Variants in DIAPH2 observed in about 807,000 individuals in gnomAD.
DIAPH2 encodes the protein diaphanous related formin 2, also known as protein diaphanous homolog 2.
A neutral mutation model predicts 92.7 loss-of-function variants in DIAPH2; 35 were observed. That is an observed-to-expected ratio of 0.38 (90% confidence interval 0.29 to 0.50). The LOEUF (loss-of-function observed/expected upper bound fraction) is 0.50, where lower values mean the gene tolerates loss of function less well. Among genes scored for constraint, DIAPH2 ranks in the 20% least tolerant of loss-of-function variants. DIAPH2 has a pLI of 0.94. For synonymous variants in DIAPH2, 301 were observed against 280.4 expected (o/e 1.07, Z -0.73); for missense variants, 701 against 819.5 (o/e 0.86, Z 1.77).
rs1180330581 is a variant in DIAPH2 at position 97,185,474 on chromosome X, CATATATATATATAT to C, written c.2719+43713_2719+43726del. Among the ~76,000 whole-genome samples the C allele has an allele frequency of 8.3e-3, 87 of 10,500 alleles. 2 individuals are homozygous for C. The highest frequency in any genetic ancestry group is 0.018 in the Admixed American group (8 of 438). 9.1% of individuals were successfully genotyped at this position (10,500 alleles called of 115,157 possible). A position where few individuals can be genotyped will look rare whatever the true frequency, so the allele number is the denominator to read the frequency against. On this transcript the variant is annotated intron_variant, in intron 22 of 26. Transcript: ENST00000324765. ...GTGTGTGTATATATATATATATACA[CATATATATATATAT>C]ATATATATATATATATATATATATA... is the stretch of plus-strand genomic sequence containing the variant.
chrX:97,347,969 A>G (rs1036730419), intron 23 of DIAPH2, 147 bp from the exon 24 acceptor site: 1 of 543,150 alleles, frequency 1.8e-6, no homozygotes, highest in Non-Finnish European at 2.9e-6. Context: ...GTGGTATTTT[A>G]CCATGGCAGC....
At chrX:97,296,530 C>G (rs1172128021) in intron 23 of DIAPH2, among the ~76,000 whole-genome samples, 3 of 111,733 alleles carry the variant, frequency 2.7e-5, no homozygotes, top group African/African-American at 9.8e-5. Flanking sequence ...TTTAAATTCT[C>G]TCACATGTAA....
At chrX:97,560,382 G>A (rs1001822385) in intron 26 of DIAPH2, among the ~76,000 whole-genome samples, 8 of 112,159 alleles carry the variant, frequency 7.1e-5, no homozygotes, top group African/African-American at 2.6e-4. Flanking sequence ...ACCTCAGATG[G>A]CTACTACCGT....
intron 5 of DIAPH2, among the ~76,000 whole-genome samples, chrX:96,907,938 A>T (rs1237484151): frequency 8.9e-6 from 1 of 112,309 alleles, no homozygotes; most frequent in African/African-American, 3.2e-5. Flanking sequence ...AGTAACAAGG[A>T]ATGGAATACT....
intron 4 of DIAPH2, among the ~76,000 whole-genome samples, chrX:96,842,468 T>A (rs2064943166): frequency 8.9e-6 from 1 of 112,209 alleles, no homozygotes; most frequent in Non-Finnish European, 1.9e-5. Context: ...AGATGTGCAG[T>A]AAATATCTGT....
intron 22 of DIAPH2, among the ~76,000 whole-genome samples, chrX:97,143,286 A>T (rs1181748559): frequency 9.0e-6 from 1 of 110,853 alleles, no homozygotes; most frequent in Non-Finnish European, 1.9e-5. Context: ...TGTAATTTGA[A>T]ATGTATATAT....
intron 26 of DIAPH2, among the ~76,000 whole-genome samples, chrX:97,548,822 A>C (rs2071199528): frequency 8.9e-6 from 1 of 112,282 alleles, no homozygotes; most frequent in Non-Finnish European, 1.9e-5. Flanking sequence ...TTGCAGTGAA[A>C]GTTTTTTCTT....
At chrX:96,822,187 G>T in intron 4 of DIAPH2, among the ~76,000 whole-genome samples, 1 of 110,998 alleles carries the variant, frequency 9.0e-6, no homozygotes, top group Middle Eastern at 4.7e-3. Flanking sequence ...CTGGCCACAA[G>T]AAACCATCAA....
chrX:97,231,146 G>A (rs769041015), intron 22 of DIAPH2, among the ~76,000 whole-genome samples: 2 of 110,633 alleles, frequency 1.8e-5, no homozygotes, highest in Non-Finnish European at 3.8e-5. Context: ...GTAAAAATCT[G>A]TCTAGTCAGC....
chrX:97,043,267 C>T (rs1396295958), intron 17 of DIAPH2, among the ~76,000 whole-genome samples: 1 of 111,126 alleles, frequency 9.0e-6, no homozygotes, highest in Non-Finnish European at 1.9e-5. Context: ...CTTTGCTTGA[C>T]AGAGAGAGGA....
At chrX:97,252,102 A>T (rs189478313) in intron 23 of DIAPH2, among the ~76,000 whole-genome samples, 5 of 112,215 alleles carry the variant, frequency 4.5e-5, no homozygotes, top group Non-Finnish European at 9.4e-5. Context: ...CATTCTTAAC[A>T]TCTTAAACTA....
chrX:97,430,742 C>T (rs754451101), intron 26 of DIAPH2, among the ~76,000 whole-genome samples: 15 of 112,040 alleles, frequency 1.3e-4, no homozygotes, highest in Non-Finnish European at 2.4e-4. Flanking sequence ...TTGCAACAAA[C>T]GAGTGAGAGA....
In DIAPH2 at chrX:97,162,624, G is replaced by A. The variant is rs773473961; in HGVS notation, c.2719+20830G>A. ...GGCTCAAGTGATCCTCCCTGCTTTC[G>A]CCTACTGAGTAGCTGAGACTACAGG... On this transcript the variant is annotated intron_variant, in intron 22 of 26. Coordinates refer to ENST00000324765, the MANE Select transcript of DIAPH2 (RefSeq NM_006729.5). 1.5e-4 allele frequency among the ~76,000 whole-genome samples: 16 copies of A among 110,216 alleles called. No homozygotes were observed. In the South Asian group the frequency reaches 3.9e-3, roughly 27 times the overall value.
intron 26 of DIAPH2, among the ~76,000 whole-genome samples, chrX:97,588,996 AAT>A (rs199558439): frequency 0.033 from 1,037 of 31,695 alleles, 36 homozygotes; most frequent in Middle Eastern, 0.045. Flanking sequence ...ATATTATAGA[AAT>A]ATATATATAT....
At chrX:97,593,904 T>G (rs1372908673) in intron 26 of DIAPH2, among the ~76,000 whole-genome samples, 2 of 111,408 alleles carry the variant, frequency 1.8e-5, no homozygotes. Flanking sequence ...CAGATGCAAT[T>G]TTTTCACTTT....
rs774477688 is a variant in DIAPH2, at chrX:96,965,218, A to T, written c.2050+11A>T. On this transcript the variant is annotated intron_variant, in intron 17 of 26. Coordinates refer to ENST00000324765, the MANE Select transcript of DIAPH2 (RefSeq NM_006729.5). ...CTACTCAGATAAAAGGTACATTTTT[A>T]AAAATAAAATATAAGTTCCCGATTC... The T allele has an allele frequency of 4.4e-6, 5 of 1,126,132 alleles. No homozygotes were observed. In the African/African-American group the frequency reaches 7.4e-5, roughly 17 times the overall value. The allele number at this position is 1,126,132 out of a possible 1,213,427, so 92.8% of individuals were successfully genotyped here.
At chrX:96,718,353 T>TG in intron 1 of DIAPH2, among the ~76,000 whole-genome samples, 2 of 63,188 alleles carry the variant, frequency 3.2e-5, no homozygotes, top group East Asian at 9.2e-4. Context: ...TTTTTTTTTT[T>TG]TTTTTTTTTT....
chrX:97,112,671 A>G (rs1216733966), intron 20 of DIAPH2, among the ~76,000 whole-genome samples: 2 of 107,216 alleles, frequency 1.9e-5, no homozygotes, highest in African/African-American at 6.8e-5. Flanking sequence ...TACCTAGCCT[A>G]TAAACCTTTT....
chrX:97,592,928 T>C (rs1419221537), intron 26 of DIAPH2, among the ~76,000 whole-genome samples: 2 of 112,192 alleles, frequency 1.8e-5, no homozygotes, highest in Non-Finnish European at 3.8e-5. Context: ...CACGGATTTA[T>C]TTGCATGTAA....
Sources: allele counts gnomAD v4.1 joint callset (sites outside exome capture counted in the v4.1 genomes callset), GRCh38; gene constraint gnomAD v4.1.1; transcripts MANE v1.5; gene names NCBI Gene and HGNC (gene_info 2026-07-23, HGNC 2026-07-21).